The following FAM90A20 variants were observed in gnomAD, a reference collection of about 807,000 sequenced individuals.
FAM90A20 encodes protein FAM90A20.
At chr8:7,295,785 CG>C in the FAM90A20 span, 11 of 1,244,430 alleles carry the variant, frequency 8.8e-6, no homozygotes, top group South Asian at 1.2e-5. Flanking sequence ...GAAGCCAACC[CG>C]GGGCCCTTGA....
chr8:7,295,321 A>T, the FAM90A20 span, among the ~76,000 whole-genome samples: 1 of 46,648 alleles, frequency 2.1e-5, no homozygotes, highest in Non-Finnish European at 3.5e-5. Flanking sequence ...GTCCCTTGAG[A>T]GACTCTTGGG....
the FAM90A20 span, chr8:7,297,830 A>G: frequency 5.7e-6 from 6 of 1,048,982 alleles, no homozygotes; most frequent in Non-Finnish European, 8.4e-6. Context: ...GAGACTGGAA[A>G]ACGGACGCTG....
chr8:7,297,746 G>A, the FAM90A20 span: 9 of 1,483,348 alleles, frequency 6.1e-6, 2 homozygotes, highest in Non-Finnish European at 8.2e-6. Context: ...CCTGCCTACT[G>A]CCCAGGCCTG....
the FAM90A20 span, chr8:7,297,011 G>T: frequency 3.5e-6 from 5 of 1,419,832 alleles, 1 homozygote; most frequent in Non-Finnish European, 4.7e-6. Flanking sequence ...TGATTTTCAT[G>T]TTGGCTCCAT....
the FAM90A20 span, chr8:7,297,163 C>T: frequency 5.5e-5 from 84 of 1,533,300 alleles, 6 homozygotes; most frequent in East Asian, 9.0e-5. Flanking sequence ...GCAGGGGCTC[C>T]GTCTTGGCTT....
the FAM90A20 span, chr8:7,297,073 G>T: frequency 2.0e-6 from 3 of 1,505,668 alleles, no homozygotes; most frequent in Non-Finnish European, 2.7e-6. Flanking sequence ...TTGCAAGGGG[G>T]CCAATGCCGG....
the FAM90A20 span, chr8:7,295,953 T>A: frequency 1.1e-5 from 6 of 535,086 alleles, no homozygotes; most frequent in Non-Finnish European, 1.6e-5. Flanking sequence ...TGCAGAGAAA[T>A]AGGCCGGAGC....
chr8:7,297,515 G>T, the FAM90A20 span: 3 of 1,514,302 alleles, frequency 2.0e-6, no homozygotes, highest in Middle Eastern at 2.3e-4. Context: ...ACCTGCCCAG[G>T]CTCCGATTCA....
the FAM90A20 span, chr8:7,295,890 C>G: frequency 3.2e-6 from 2 of 632,346 alleles, no homozygotes; most frequent in Non-Finnish European, 5.5e-6. Context: ...GACATGGTGT[C>G]TCTGCACCTG....
At chr8:7,297,037 A>T in the FAM90A20 span, 5 of 1,469,952 alleles carry the variant, frequency 3.4e-6, no homozygotes, top group South Asian at 1.2e-5. Context: ...GGAACTTCTA[A>T]CCTGTGTTGT....
At chr8:7,295,674 G>A in the FAM90A20 span, 6 of 724,926 alleles carry the variant, frequency 8.3e-6, no homozygotes, top group Non-Finnish European at 1.4e-5. Context: ...ACGGCCAGAA[G>A]TACCAGGTGC....
chr8:7,297,560 G>T, the FAM90A20 span: 6 of 1,516,710 alleles, frequency 4.0e-6, 1 homozygote, highest in African/African-American at 6.1e-5. Context: ...ACCGAGACTG[G>T]GTCCCTTCCA....
the FAM90A20 span, chr8:7,296,488 G>A: frequency 2.1e-5 from 14 of 662,416 alleles, 1 homozygote; most frequent in Middle Eastern, 3.9e-4. Context: ...AGGAAATCGG[G>A]GAACCCCTCT....
chr8:7,295,790 C>T, the FAM90A20 span: 36 of 1,214,378 alleles, frequency 3.0e-5, 3 homozygotes, highest in South Asian at 2.5e-4. Context: ...CAACCCGGGG[C>T]CCTTGAACAA....
chr8:7,295,730 A>G, the FAM90A20 span: 1 of 1,043,300 alleles, frequency 9.6e-7, no homozygotes, highest in Non-Finnish European at 1.4e-6. Flanking sequence ...GACCTTGGGG[A>G]AAAAGGAAGG....
the FAM90A20 span, chr8:7,297,349 T>TC: frequency 2.8e-6 from 4 of 1,413,486 alleles, no homozygotes; most frequent in East Asian, 6.8e-5. Context: ...GCCGAGAAGT[T>TC]CCCCAGGCTG....
chr8:7,297,643 C>G, the FAM90A20 span: 74 of 1,400,552 alleles, frequency 5.3e-5, 6 homozygotes, highest in Non-Finnish European at 6.8e-5. Context: ...CAGCCGCAAC[C>G]GAACTTGGAC....
the FAM90A20 span, chr8:7,296,995 T>C: frequency 1.5e-6 from 2 of 1,313,976 alleles, no homozygotes; most frequent in Non-Finnish European, 2.1e-6. Flanking sequence ...TGTCTTTGGA[T>C]GTGTTTGATT....
At chr8:7,295,743 A>C in the FAM90A20 span, 6 of 1,168,136 alleles carry the variant, frequency 5.1e-6, 1 homozygote, top group African/African-American at 5.5e-5. Flanking sequence ...AAGGAAGGGA[A>C]GGAAAACCTG....
Sources: gnomAD v4.1 joint callset for allele counts (sites outside exome capture counted in the v4.1 genomes callset) on GRCh38, gnomAD v4.1.1 for gene constraint, MANE v1.5 for transcripts, NCBI Gene and HGNC (gene_info 2026-07-23, HGNC 2026-07-21) for gene names.